Variants in IGSF11 observed in about 807,000 individuals in gnomAD.
IGSF11 encodes the protein CXADR like 1.
IGSF11 carries 22 observed loss-of-function variants against 41.0 expected under a neutral mutation model. That is an observed-to-expected ratio of 0.54 (90% confidence interval 0.38 to 0.77). The LOEUF is 0.77. Ranked by LOEUF, IGSF11 falls within the 30% of genes least tolerant of loss-of-function variation. The pLI is 0.00. For missense variants in IGSF11, 444 were observed against 530.8 expected, an observed-to-expected ratio of 0.84 and a Z score of 1.61; for synonymous variants, 219 against 201.3, an observed-to-expected ratio of 1.09 and a Z score of -0.74.
intron 1 of IGSF11, among the ~76,000 whole-genome samples, chr3:119,049,248 C>T (rs1409355600): frequency 2.6e-5 from 4 of 151,130 alleles, no homozygotes; most frequent in South Asian, 4.3e-4. Context: ...TCTAGAAAAC[C>T]CCATTGTCTC....
chr3:118,987,684 T>C (rs779273736), intron 1 of IGSF11, among the ~76,000 whole-genome samples: 5 of 152,196 alleles, frequency 3.3e-5, no homozygotes, highest in Admixed American at 6.5e-5. Flanking sequence ...GTAGCAGCAA[T>C]TCACTAGGCA....
At chr3:119,084,978 T>C (rs16845358) in intron 1 of IGSF11, among the ~76,000 whole-genome samples, 1 of 151,058 alleles carries the variant, frequency 6.6e-6, no homozygotes, top group African/African-American at 2.4e-5. Context: ...GGAACCTAGG[T>C]ATGCCTCCTT....
chr3:118,915,176 G>A (rs1417640039), intron 4 of IGSF11, among the ~76,000 whole-genome samples: 1 of 135,426 alleles, frequency 7.4e-6, no homozygotes, highest in East Asian at 2.1e-4. Flanking sequence ...CAGAAAAACT[G>A]GAAACTCTAA....
intron 1 of IGSF11, among the ~76,000 whole-genome samples, chr3:119,078,848 G>A (rs149782200): frequency 4.7e-4 from 72 of 152,116 alleles, no homozygotes; most frequent in African/African-American, 1.7e-3. Context: ...AGAATCTATA[G>A]GGAATTTAAA....
chr3:118,930,228 C>T lies in IGSF11; in HGVS notation c.100G>A (p.Val34Met), dbSNP rs753373347. ...EVSESPGSIQ[V>M]ARGQPAVLPC... ...AGGACTGCTGGCTGACCCCGGGCCA[C>T]CTGGATACTCCCAGGGCTCTCTGAC... Residue 34 changes from valine to methionine, a missense_variant, in exon 2 of 7, where the codon GTG becomes ATG. Val to Met is a conservative substitution (Grantham distance 21). Coordinates refer to ENST00000393775, the MANE Select transcript of IGSF11 (RefSeq NM_001015887.3). 2 of 1,613,926 alleles carry T rather than the reference C, an allele frequency of 1.2e-6. No individual in the cohort carries two copies. The highest frequency in any genetic ancestry group is 1.7e-6 in the Non-Finnish European group (2 of 1,179,900).
intron 1 of IGSF11, among the ~76,000 whole-genome samples, chr3:119,016,375 T>C (rs531177923): frequency 1.2e-4 from 18 of 152,296 alleles, no homozygotes; most frequent in Admixed American, 7.8e-4. Flanking sequence ...AAGATGATGG[T>C]CATTTATGGT....
At chr3:118,945,145 T>A (rs1944017753) in intron 1 of IGSF11, among the ~76,000 whole-genome samples, 1 of 152,194 alleles carries the variant, frequency 6.6e-6, no homozygotes, top group Non-Finnish European at 1.5e-5. Flanking sequence ...AGGAGGTTTT[T>A]AATAAATAGC....
At chr3:119,047,594 A>G (rs1941417041) in intron 1 of IGSF11, among the ~76,000 whole-genome samples, 1 of 152,226 alleles carries the variant, frequency 6.6e-6, no homozygotes, top group African/African-American at 2.4e-5. Context: ...CCAATGAGAC[A>G]GAAAGTCAAC....
chr3:119,105,839 C>G (rs570985782), upstream of IGSF11, among the ~76,000 whole-genome samples: 11 of 152,234 alleles, frequency 7.2e-5, no homozygotes, highest in East Asian at 2.1e-3. Flanking sequence ...TAAATTCTCT[C>G]TCACTTTAGT....
intron 1 of IGSF11, among the ~76,000 whole-genome samples, chr3:119,017,551 G>A (rs1162085092): frequency 6.6e-6 from 1 of 152,040 alleles, no homozygotes; most frequent in African/African-American, 2.4e-5. Flanking sequence ...TCTTAAACCA[G>A]GAAGATGAGT....
chr3:119,029,651 G>A (rs1448399866), intron 1 of IGSF11, among the ~76,000 whole-genome samples: 1 of 152,214 alleles, frequency 6.6e-6, no homozygotes, highest in Non-Finnish European at 1.5e-5. Flanking sequence ...GAAGAGAGTG[G>A]TTTTATGAGT....
At chr3:119,143,978 A>T (rs764452517) in intron 1 of IGSF11, among the ~76,000 whole-genome samples, 4 of 152,216 alleles carry the variant, frequency 2.6e-5, no homozygotes, top group Non-Finnish European at 4.4e-5. Context: ...ACAAGCTCAA[A>T]TTATATGAAG....
intron 1 of IGSF11, among the ~76,000 whole-genome samples, chr3:119,120,825 A>G (rs1490877715): frequency 6.6e-6 from 1 of 152,236 alleles, no homozygotes; most frequent in Non-Finnish European, 1.5e-5. Flanking sequence ...GAATTTACAT[A>G]TAAAAGATCC....
intron 1 of IGSF11, among the ~76,000 whole-genome samples, chr3:118,946,270 G>GT (rs1347670002): frequency 7.4e-6 from 1 of 135,686 alleles, no homozygotes; most frequent in Non-Finnish European, 1.5e-5. Flanking sequence ...ATTCAGTAAT[G>GT]TTTTTTTAAA....
At chr3:118,982,258 A>C (rs1049953124) in intron 1 of IGSF11, among the ~76,000 whole-genome samples, 2 of 152,234 alleles carry the variant, frequency 1.3e-5, no homozygotes, top group African/African-American at 4.8e-5. Context: ...AGTTTCTAGC[A>C]ACTCTCCAGA....
intron 1 of IGSF11, among the ~76,000 whole-genome samples, chr3:119,133,711 C>G (rs2077517051): frequency 6.6e-6 from 1 of 152,236 alleles, no homozygotes; most frequent in African/African-American, 2.4e-5. Flanking sequence ...TCCTCCCTAA[C>G]TCATTTTATG....
At chr3:118,990,454 T>A (rs1377751243) in intron 1 of IGSF11, among the ~76,000 whole-genome samples, 2 of 152,170 alleles carry the variant, frequency 1.3e-5, no homozygotes, top group East Asian at 3.8e-4. Context: ...AGTGTCCTGA[T>A]GTTATGAAGG....
At chr3:118,928,455 G>C in intron 3 of IGSF11, 54 bp downstream of exon 3, 1 of 1,402,564 alleles carries the variant, frequency 7.1e-7, no homozygotes, top group Non-Finnish European at 1.0e-6. Flanking sequence ...AAGTATGCTT[G>C]AGAGTAGCTT....
At chr3:118,903,103 C>T (rs1939120073) in intron 6 of IGSF11, 142 bp from the exon 7 acceptor site, 2 of 741,920 alleles carry the variant, frequency 2.7e-6, no homozygotes, top group South Asian at 1.9e-5. Context: ...TGAAAGCAGG[C>T]ATGGCAACCC....
Sources: gnomAD v4.1 joint callset for allele counts (sites outside exome capture counted in the v4.1 genomes callset) on GRCh38, gnomAD v4.1.1 for gene constraint, MANE v1.5 for transcripts, NCBI Gene and HGNC (gene_info 2026-07-23, HGNC 2026-07-21) for gene names.